COG5: variants seen among roughly 807,000 people sequenced by gnomAD.
COG5 encodes the protein conserved oligomeric Golgi complex subunit 5.
Under a neutral mutation model 110.4 loss-of-function variants are expected in COG5, and 86 were observed. The observed-to-expected ratio is 0.78, with a 90% confidence interval of 0.65 to 0.93. COG5 has a LOEUF of 0.93. Among genes scored for constraint, COG5 ranks in the 40% least tolerant of loss-of-function variants. The pLI is 0.00. For missense variants in COG5, 1,077 were observed against 987.0 expected (o/e 1.09, Z -1.22); for synonymous variants, 360 against 334.6 (o/e 1.08, Z -0.83).
intron 6 of COG5, among the ~76,000 whole-genome samples, chr7:107,439,147 T>C (rs1794552708): frequency 6.6e-6 from 1 of 152,188 alleles, no homozygotes; most frequent in Admixed American, 6.5e-5. Context: ...CTAGGTTCTA[T>C]GCCCTCCTGC....
At chr7:107,402,662 G>A (rs1791520880) in intron 7 of COG5, among the ~76,000 whole-genome samples, 1 of 152,226 alleles carries the variant, frequency 6.6e-6, no homozygotes, top group African/African-American at 2.4e-5. Flanking sequence ...TTCTGTCAGT[G>A]AAAGATTGTA....
At chr7:107,544,604 A>C (rs1802282520) in intron 5 of COG5, among the ~76,000 whole-genome samples, 1 of 152,240 alleles carries the variant, frequency 6.6e-6, no homozygotes, top group African/African-American at 2.4e-5. Context: ...AAGCCTGCCC[A>C]CAGACCACAC....
chr7:107,207,062 A>G (rs991422578), intron 21 of COG5, among the ~76,000 whole-genome samples: 1 of 152,256 alleles, frequency 6.6e-6, no homozygotes, highest in African/African-American at 2.4e-5. Flanking sequence ...AAAACTAGCC[A>G]AGTGGAAGTT....
chr7:107,494,456 C>T (rs1232093928), intron 6 of COG5, among the ~76,000 whole-genome samples: 3 of 152,134 alleles, frequency 2.0e-5, no homozygotes, highest in African/African-American at 7.2e-5. Context: ...ATGTCACAGC[C>T]ACAGTGACCT....
At chr7:107,455,503 A>C (rs1795605751) in intron 6 of COG5, among the ~76,000 whole-genome samples, 1 of 152,218 alleles carries the variant, frequency 6.6e-6, no homozygotes, top group South Asian at 2.1e-4. Context: ...CCTCAAGCTG[A>C]AAATGTTTTT....
At chr7:107,409,827 G>T (rs1792144343) in intron 7 of COG5, among the ~76,000 whole-genome samples, 1 of 152,184 alleles carries the variant, frequency 6.6e-6, no homozygotes, top group African/African-American at 2.4e-5. Flanking sequence ...TCCTTGTAAG[G>T]AGTGTGACAA....
intron 7 of COG5, among the ~76,000 whole-genome samples, chr7:107,402,901 A>G (rs768405041): frequency 1.1e-4 from 16 of 152,348 alleles, no homozygotes; most frequent in Middle Eastern, 6.8e-3. Flanking sequence ...AAGTAATAAG[A>G]CTTTTGTAAG....
intron 16 of COG5, among the ~76,000 whole-genome samples, chr7:107,256,120 T>C (rs1802863570): frequency 6.6e-6 from 1 of 152,172 alleles, no homozygotes; most frequent in Admixed American, 6.6e-5. Flanking sequence ...CATTATTGTT[T>C]ATGCAATTTC....
At chr7:107,328,599 G>T (rs1367642790) in intron 10 of COG5, among the ~76,000 whole-genome samples, 1 of 152,054 alleles carries the variant, frequency 6.6e-6, no homozygotes, top group African/African-American at 2.4e-5. Context: ...AAGAATAATG[G>T]TAATTGCCAA....
chr7:107,239,289 A>G (rs1039790411), intron 17 of COG5, among the ~76,000 whole-genome samples: 1 of 152,072 alleles, frequency 6.6e-6, no homozygotes, highest in African/African-American at 2.4e-5. Context: ...GTGTGAGCTC[A>G]TTTCTGGGCT....
chr7:107,208,591 C>A, intron 21 of COG5: 1 of 985,382 alleles, frequency 1.0e-6, no homozygotes, highest in Non-Finnish European at 1.2e-6. Flanking sequence ...CTGTGTTAGC[C>A]CAGGCCCAAA....
chr7:107,395,541 CTTTTTTTTTTTTTTTTT>C (rs67581814), intron 7 of COG5, among the ~76,000 whole-genome samples: 7 of 49,996 alleles, frequency 1.4e-4, no homozygotes. Flanking sequence ...TGAAGCAGAT[CTTTTTTTTTTTTTTTTT>C]TTTTTTTTTT....
At chr7:107,232,197 G>A (rs1391595419) in intron 18 of COG5, among the ~76,000 whole-genome samples, 1 of 152,186 alleles carries the variant, frequency 6.6e-6, no homozygotes, top group Non-Finnish European at 1.5e-5. Flanking sequence ...AAGGATTCTT[G>A]CCAACAATGC....
intron 6 of COG5, chr7:107,473,930 A>C: frequency 2.0e-6 from 1 of 506,268 alleles, no homozygotes; most frequent in East Asian, 3.0e-5. Context: ...AAACTTAAAA[A>C]TTAAACTAAG....
chr7:107,226,289 G>C (rs147480992), intron 19 of COG5, among the ~76,000 whole-genome samples: 3 of 152,298 alleles, frequency 2.0e-5, no homozygotes, highest in East Asian at 1.9e-4. Flanking sequence ...GGAGACCCAT[G>C]AACAAGTGCC....
Position 107,510,882 on chromosome 7 carries a change from C to T in COG5, c.538+16355G>A, listed in dbSNP as rs562128104. 3.2e-4 allele frequency among the ~76,000 whole-genome samples: 49 copies of T among 152,308 alleles called. No homozygotes were observed. The South Asian group carries it at 9.7e-3, about 30-fold the overall frequency. ...ACACAACATACCAGTATCTCTGGCA[C>T]ACATTCAAAGCAGTGTGTAGAGGGA... On this transcript the variant is annotated intron_variant, in intron 6 of 21. Coordinates refer to ENST00000297135, the MANE Select transcript of COG5 (RefSeq NM_006348.5).
At chr7:107,299,951 G>C (rs1169415185) in intron 11 of COG5, among the ~76,000 whole-genome samples, 1 of 147,928 alleles carries the variant, frequency 6.8e-6, no homozygotes, top group Non-Finnish European at 1.5e-5. Flanking sequence ...TAACTCCTAG[G>C]CTCAAGCAAT....
chr7:107,419,627 G>C (rs1420724274), intron 6 of COG5, among the ~76,000 whole-genome samples: 2 of 151,564 alleles, frequency 1.3e-5, no homozygotes. Flanking sequence ...GAGTGCAATG[G>C]CACAATCCTG....
intron 6 of COG5, among the ~76,000 whole-genome samples, chr7:107,497,231 C>G (rs62483680): frequency 6.6e-6 from 1 of 152,012 alleles, no homozygotes; most frequent in Admixed American, 6.6e-5. Context: ...AACAAACAAA[C>G]GAACAAACAA....
Sources: gnomAD v4.1 joint callset for allele counts (sites outside exome capture counted in the v4.1 genomes callset) on GRCh38, gnomAD v4.1.1 for gene constraint, MANE v1.5 for transcripts, NCBI Gene and HGNC (gene_info 2026-07-23, HGNC 2026-07-21) for gene names.